The following DIXDC1 variants were observed in gnomAD, a reference collection of about 807,000 sequenced individuals.
DIXDC1 encodes dixin.
Under a neutral mutation model 103.1 loss-of-function variants are expected in DIXDC1, and 64 were observed. The observed-to-expected ratio is 0.62, with a 90% confidence interval of 0.51 to 0.76. The LOEUF is 0.76. Ranked by LOEUF, DIXDC1 falls within the 30% of genes least tolerant of loss-of-function variation. The probability of loss-of-function intolerance (pLI) is 0.00; values close to 1 mark genes in which losing one functional copy is unlikely to be tolerated. For synonymous variants in DIXDC1, 266 were observed against 298.5 expected (o/e 0.89, Z 1.12); for missense variants, 759 against 834.2 (o/e 0.91, Z 1.11).
intron 14 of DIXDC1, among the ~76,000 whole-genome samples, chr11:111,994,656 GTA>G (rs146810100): frequency 2.0e-5 from 3 of 150,634 alleles, no homozygotes; most frequent in Admixed American, 6.6e-5. Flanking sequence ...ATGTGTGTGT[GTA>G]TATATATATA....
chr11:112,010,166 G>A (rs1382996546), intron 17 of DIXDC1, among the ~76,000 whole-genome samples: 1 of 151,954 alleles, frequency 6.6e-6, no homozygotes, highest in African/African-American at 2.4e-5. Flanking sequence ...ACCAATAACA[G>A]ACAAACAGCC....
At chr11:111,933,691 C>CAA (rs34415537), upstream of DIXDC1, among the ~76,000 whole-genome samples, 44,057 of 111,338 alleles carry the variant, frequency 0.4, 9,669 homozygotes, top group East Asian at 0.57. Context: ...CTCTCTCTCT[C>CAA]AAAAAAAAAA....
intron 1 of DIXDC1, chr11:111,929,754 T>G: frequency 1.1e-4 from 118 of 1,110,896 alleles, no homozygotes; most frequent in Middle Eastern, 2.0e-4. Flanking sequence ...CTCGGTTAGT[T>G]GAGCTTTAAA....
chr11:111,964,513 G>A (rs1859665784), intron 1 of DIXDC1, 36 bp from the exon 2 acceptor site: 1 of 1,562,012 alleles, frequency 6.4e-7, no homozygotes. Flanking sequence ...AGATTAATAT[G>A]CTCTCTTTCC....
At chr11:112,007,195 G>GAA (rs1402010243) in intron 17 of DIXDC1, among the ~76,000 whole-genome samples, 1 of 152,206 alleles carries the variant, frequency 6.6e-6, no homozygotes, top group African/African-American at 2.4e-5. Flanking sequence ...TCAAGTGGAA[G>GAA]AAAGGGTATC....
Position 112,016,691 on chromosome 11 carries a change from A to G in DIXDC1, c.1757A>G (p.Lys586Arg). Residue 586 changes from lysine (K) to arginine (R), a missense_variant and splice_region_variant, in exon 18 of 20, where the codon AAG becomes AGG. Physicochemically the swap from Lys to Arg is conservative, Grantham distance 26 (BLOSUM62 2). Around this residue, in one of 3 missense-constraint regions of DIXDC1, gnomAD observed 657 missense variants for 727.5 expected, o/e 0.90. Transcript: ENST00000440460. ...EYRESWPPNS[K>R]LPHSQSSPTV... ...AACCACAGTCTCTTTCTGATTGTAG[A>G]GTTGCCTCACTCACAGAGCTCTCCA... is the stretch of plus-strand genomic sequence containing the variant. The G allele has an allele frequency of 1.3e-6, 2 of 1,594,600 alleles. No individual in the cohort carries two copies. The highest frequency in any genetic ancestry group is 1.7e-6 in the Non-Finnish European group (2 of 1,171,174).
intron 2 of DIXDC1, among the ~76,000 whole-genome samples, chr11:111,967,644 C>G (rs1163578187): frequency 6.6e-6 from 1 of 152,178 alleles, no homozygotes; most frequent in African/African-American, 2.4e-5. Context: ...CTTGCCCAGG[C>G]TAGTCTTGAA....
At chr11:111,948,528 C>G (rs1431906956) in intron 1 of DIXDC1, among the ~76,000 whole-genome samples, 1 of 151,802 alleles carries the variant, frequency 6.6e-6, no homozygotes, top group Non-Finnish European at 1.5e-5. Flanking sequence ...ATGGCCCAGT[C>G]CTGCTGAGCA....
intron 1 of DIXDC1, chr11:111,929,777 TGGCTTGTTA>T: frequency 7.5e-7 from 1 of 1,340,628 alleles, no homozygotes; most frequent in Non-Finnish European, 1.0e-6. Flanking sequence ...TTTTTTTTCC[TGGCTTGTTA>T]TTTTGTACAT....
intron 17 of DIXDC1, among the ~76,000 whole-genome samples, chr11:112,007,388 A>G (rs1282472669): frequency 6.6e-6 from 1 of 152,208 alleles, no homozygotes; most frequent in African/African-American, 2.4e-5. Flanking sequence ...ACTGTTCAGG[A>G]TATTATCCAG....
chr11:111,929,948 T>C (rs1555167504), intron 2 of DIXDC1: 1 of 1,516,634 alleles, frequency 6.6e-7, no homozygotes, highest in Admixed American at 2.0e-5. Flanking sequence ...AGCGTGATGA[T>C]GTTACTGGAA....
At chr11:111,993,469 C>A (rs368324714) in intron 12 of DIXDC1, 27 bp from the exon 13 acceptor site, 1 of 1,613,048 alleles carries the variant, frequency 6.2e-7, no homozygotes, top group Non-Finnish European at 8.5e-7. Context: ...TTTTGCCGCT[C>A]ATCTTAAAGC....
chr11:111,983,167 A>G (rs1860374996), intron 7 of DIXDC1, among the ~76,000 whole-genome samples: 1 of 152,110 alleles, frequency 6.6e-6, no homozygotes. Flanking sequence ...TGACCCTGAA[A>G]TTGCCTAGGA....
intron 17 of DIXDC1, among the ~76,000 whole-genome samples, chr11:112,009,560 A>G (rs1398459674): frequency 6.6e-6 from 1 of 152,240 alleles, no homozygotes; most frequent in Non-Finnish European, 1.5e-5. Flanking sequence ...AAAATCTTCA[A>G]TAAAATACTG....
intron 17 of DIXDC1, among the ~76,000 whole-genome samples, chr11:112,015,127 C>T (rs190584306): frequency 7.0e-4 from 107 of 152,232 alleles, no homozygotes; most frequent in Admixed American, 1.4e-3. Context: ...TCAGGCAATC[C>T]GCCCACCTCG....
At chr11:111,964,464 G>C in intron 1 of DIXDC1, 85 bp from the exon 2 acceptor site, 1 of 1,500,398 alleles carries the variant, frequency 6.7e-7, no homozygotes, top group Non-Finnish European at 9.0e-7. Flanking sequence ...TTATACCCCA[G>C]TCACAAACGC....
Position 111,958,541 on chromosome 11 carries a change from C to G in DIXDC1, c.61-6008C>G, listed in dbSNP as rs1009098034. ...TTAGCTCCCTCTGGACTTTGGGTGCCGAAAAGCACCAGAGGGAGGCTGAGG... is the reference window on the plus strand; with the variant it reads ...TTAGCTCCCTCTGGACTTTGGGTGCGGAAAAGCACCAGAGGGAGGCTGAGG... On this transcript the variant is annotated intron_variant, in intron 1 of 19. Transcript: ENST00000440460. This position sits in a 1 kb window ranked among gnomAD's most constrained non-coding sequence, Gnocchi z 4.2. Among the ~76,000 whole-genome samples the G allele has an allele frequency of 6.6e-6, 1 of 152,138 alleles. No homozygotes were observed.
intron 1 of DIXDC1, among the ~76,000 whole-genome samples, chr11:111,956,608 G>C (rs1323321840): frequency 6.6e-6 from 1 of 152,106 alleles, no homozygotes; most frequent in African/African-American, 2.4e-5. Context: ...TCCTGCCTCA[G>C]CCTCCAAAGT....
chr11:111,991,133 C>G (rs1038750733), intron 10 of DIXDC1, among the ~76,000 whole-genome samples: 1 of 152,196 alleles, frequency 6.6e-6, no homozygotes, highest in Non-Finnish European at 1.5e-5. Flanking sequence ...AGACTATTCA[C>G]TCAGCAACAT....
Sources: allele counts gnomAD v4.1 joint callset (sites outside exome capture counted in the v4.1 genomes callset), GRCh38; gene constraint gnomAD v4.1.1; regional missense constraint gnomAD v4.1.1; non-coding constraint Gnocchi (gnomAD v3.1); transcripts MANE v1.5; gene names NCBI Gene and HGNC (gene_info 2026-07-23, HGNC 2026-07-21).